TRPM6: variants seen among roughly 807,000 people sequenced by gnomAD.
TRPM6 encodes transient receptor potential cation channel subfamily M member 6.
A neutral mutation model predicts 247.6 loss-of-function variants in TRPM6; 111 were observed. The observed-to-expected ratio is 0.45, with a 90% CI of 0.38 to 0.52. The LOEUF (loss-of-function observed/expected upper bound fraction) is 0.52. Among genes scored for constraint, TRPM6 ranks in the 20% least tolerant of loss-of-function variants. TRPM6 has a pLI of 0.00. For missense variants in TRPM6, 2,126 were observed against 2,421.5 expected, an observed-to-expected ratio of 0.88 and a Z score of 2.56; for synonymous variants, 892 against 853.8, an observed-to-expected ratio of 1.04 and a Z score of -0.78.
chr9:74,843,070 C>T (rs1181370500), intron 3 of TRPM6, among the ~76,000 whole-genome samples: 1 of 152,186 alleles, frequency 6.6e-6, no homozygotes, highest in Non-Finnish European at 1.5e-5. Context: ...GTTTTATCAA[C>T]TAGGTTTATG....
Position 74,802,119 on chromosome 9 carries a change from T to C in TRPM6, c.1788A>G (p.Ser596=). Residue 596 remains serine (S), a synonymous_variant, in exon 16 of 39, where the codon TCA becomes TCG. Coordinates refer to ENST00000360774, the MANE Select transcript of TRPM6 (RefSeq NM_017662.5). ...GAAAGCCAGTAGACTCAGGGTCATCTGATACATTTTGTTCTTTTGACTTCT... is the reference window on the plus strand; with the variant it reads ...GAAAGCCAGTAGACTCAGGGTCATCCGATACATTTTGTTCTTTTGACTTCT... The part of the protein sequence containing the change: ...SRKKSKEQNV[S]DDPESTGFLY... 1 of 1,614,178 alleles carries C rather than the reference T, an allele frequency of 6.2e-7. No individual in the cohort carries two copies. The highest frequency in any genetic ancestry group is 8.5e-7 in the Non-Finnish European group (1 of 1,180,024).
intron 2 of TRPM6, chr9:74,857,926 A>G (rs1395653682): frequency 6.6e-6 from 1 of 152,226 alleles, no homozygotes; most frequent in African/African-American, 2.4e-5. Context: ...TTCAGTATTC[A>G]GAAAATGTAA....
chr9:74,808,153 G>C lies in TRPM6; in HGVS notation c.1519C>G (p.Arg507Gly), dbSNP rs762641860. The C allele has an allele frequency of 6.2e-7, 1 of 1,613,890 alleles. No homozygotes were observed. Among genetic ancestry groups the C allele is most frequent in the Admixed American group, 1.7e-5 (1 of 59,996 alleles). The part of the protein sequence containing the change: ...VKQHTLLSGY[R>G]ITLIDIGLVV... ...AATCCAATGTCAATCAAGGTTATTCGGTAGCCTGAAAGAAGGGTATGCTGC... is the reference window on the plus strand; with the variant it reads ...AATCCAATGTCAATCAAGGTTATTCCGTAGCCTGAAAGAAGGGTATGCTGC... The change falls in exon 14 of 39, where the codon CGA becomes GGA. Residue 507 changes from arginine to glycine, a missense_variant. By Grantham distance (125) the Arg-to-Gly change is moderately radical. This residue lies in a region of TRPM6 where 1,082 missense variants were observed against 1,307.9 expected (regional missense o/e 0.83). Coordinates refer to ENST00000360774, the MANE Select transcript of TRPM6 (RefSeq NM_017662.5).
chr9:74,872,090 T>C (rs1405487011), intron 1 of TRPM6, among the ~76,000 whole-genome samples: 18 of 150,664 alleles, frequency 1.2e-4, no homozygotes, highest in Admixed American at 1.2e-3. Context: ...TGACCTCAAG[T>C]GATCCACCTG....
At chr9:74,837,978 A>G (rs1184386537) in intron 5 of TRPM6, among the ~76,000 whole-genome samples, 1 of 152,038 alleles carries the variant, frequency 6.6e-6, no homozygotes, top group Non-Finnish European at 1.5e-5. Context: ...CGAACTCCTG[A>G]GCTCAGGCAA....
At chr9:74,739,685 G>C in intron 34 of TRPM6, 38 bp downstream of exon 34, 1 of 1,606,376 alleles carries the variant, frequency 6.2e-7, no homozygotes. Context: ...TCTTTGACTT[G>C]TCCCTCTGGG....
At chr9:74,844,065 T>C (rs1464487822) in intron 3 of TRPM6, among the ~76,000 whole-genome samples, 3 of 152,078 alleles carry the variant, frequency 2.0e-5, no homozygotes, top group Admixed American at 6.6e-5. Flanking sequence ...TAAAGACAAA[T>C]GTACTGAGAT....
chr9:74,763,968 G>A (rs967892236), intron 25 of TRPM6, among the ~76,000 whole-genome samples: 1 of 152,034 alleles, frequency 6.6e-6, no homozygotes, highest in African/African-American at 2.4e-5. Context: ...GGCCAACATG[G>A]TGAAATCCCA....
In TRPM6 at chr9:74,829,431, A is replaced by C. The variant is rs558388539; in HGVS notation, c.670-1482T>G. On this transcript the variant is annotated intron_variant, in intron 6 of 38. Coordinates refer to ENST00000360774, the MANE Select transcript of TRPM6 (RefSeq NM_017662.5). ...ACTTCGTATTTGCTTTTAGAGGCAA[A>C]AGCACAATATTTAGAGTAAGAAAGC... Among the ~76,000 whole-genome samples the C allele has an allele frequency of 2.0e-5, 3 of 152,356 alleles. No individual in the cohort carries two copies. The South Asian group carries it at 6.2e-4, about 32-fold the overall frequency.
intron 27 of TRPM6, among the ~76,000 whole-genome samples, chr9:74,758,914 A>G (rs1826528764): frequency 6.6e-6 from 1 of 152,152 alleles, no homozygotes; most frequent in Admixed American, 6.5e-5. Flanking sequence ...TACTCAAGTA[A>G]AGAAGTTTAG....
chr9:74,846,666 C>T (rs1392674247), intron 3 of TRPM6, among the ~76,000 whole-genome samples: 1 of 152,046 alleles, frequency 6.6e-6, no homozygotes, highest in East Asian at 1.9e-4. Context: ...CCTGCCTCAG[C>T]CTCCCAAGTA....
chr9:74,810,525 C>T (rs1237571019), intron 13 of TRPM6, among the ~76,000 whole-genome samples: 2 of 152,188 alleles, frequency 1.3e-5, no homozygotes, highest in Admixed American at 6.5e-5. Flanking sequence ...ACCACGGTAT[C>T]GGGGTAAGCT....
chr9:74,864,308 A>G (rs1032207642), intron 1 of TRPM6, among the ~76,000 whole-genome samples: 1 of 152,216 alleles, frequency 6.6e-6, no homozygotes, highest in Non-Finnish European at 1.5e-5. Context: ...GTAGATGGAC[A>G]TCAGGATGTA....
intron 6 of TRPM6, among the ~76,000 whole-genome samples, chr9:74,829,931 T>C (rs1292276934): frequency 6.6e-6 from 1 of 151,848 alleles, no homozygotes; most frequent in African/African-American, 2.4e-5. Context: ...TCAAAACCAA[T>C]CTGAACAACA....
At chr9:74,887,017 C>A (rs1405477580) in intron 1 of TRPM6, among the ~76,000 whole-genome samples, 6 of 152,164 alleles carry the variant, frequency 3.9e-5, no homozygotes, top group Non-Finnish European at 7.4e-5. Flanking sequence ...ACAAAATAGG[C>A]GAGACCAAGA....
At chr9:74,837,684 G>A (rs1829773353) in intron 5 of TRPM6, among the ~76,000 whole-genome samples, 1 of 151,392 alleles carries the variant, frequency 6.6e-6, no homozygotes, top group Non-Finnish European at 1.5e-5. Flanking sequence ...CTGACCTTGT[G>A]ATCCACCCAC....
intron 3 of TRPM6, among the ~76,000 whole-genome samples, chr9:74,847,723 T>C (rs944435006): frequency 1.1e-4 from 16 of 152,030 alleles, no homozygotes; most frequent in African/African-American, 2.7e-4. Flanking sequence ...AAAGACAAAG[T>C]ATACTCTAAA....
chr9:74,807,105 GA>G (rs1828551175), intron 14 of TRPM6, among the ~76,000 whole-genome samples: 1 of 152,154 alleles, frequency 6.6e-6, no homozygotes, highest in Non-Finnish European at 1.5e-5. Flanking sequence ...TTCTGTGTCA[GA>G]TTTGGCTTTC....
At chr9:74,806,473 T>TA (rs1186933032) in intron 14 of TRPM6, among the ~76,000 whole-genome samples, 1 of 152,046 alleles carries the variant, frequency 6.6e-6, no homozygotes, top group African/African-American at 2.4e-5. Context: ...GTTTTGTTGA[T>TA]AAAAATTGAA....
Sources: allele counts gnomAD v4.1 joint callset (sites outside exome capture counted in the v4.1 genomes callset), GRCh38; gene constraint gnomAD v4.1.1; regional missense constraint gnomAD v4.1.1; transcripts MANE v1.5; gene names NCBI Gene and HGNC (gene_info 2026-07-23, HGNC 2026-07-21).